The following AGBL4 variants were observed in gnomAD, a reference collection of about 807,000 sequenced individuals.
AGBL4 encodes the protein AGBL carboxypeptidase 4, also known as cytosolic carboxypeptidase 6.
In AGBL4, 58 loss-of-function variants were observed where a neutral mutation model predicts 66.4. The ratio of observed to expected loss-of-function variants is 0.87; its 90% CI spans 0.71 to 1.09. The LOEUF (loss-of-function observed/expected upper bound fraction) is 1.09. AGBL4 is among the 50% of genes least tolerant of loss of function. The pLI is 0.00. For synonymous variants in AGBL4, 234 were observed against 222.9 expected (o/e 1.05, Z -0.44); for missense variants, 579 against 631.0 (o/e 0.92, Z 0.88).
intron 5 of AGBL4, among the ~76,000 whole-genome samples, chr1:48,875,980 T>C (rs1015481563): frequency 1.3e-5 from 2 of 152,148 alleles, no homozygotes; most frequent in African/African-American, 2.4e-5. Context: ...CGCAGGTTTA[T>C]AGGCAGAAAA....
At chr1:49,963,383 G>T (rs558841702) in intron 1 of AGBL4, among the ~76,000 whole-genome samples, 1 of 152,226 alleles carries the variant, frequency 6.6e-6, no homozygotes, top group African/African-American at 2.4e-5. Flanking sequence ...AAAGGCTAGT[G>T]ACTGAACTGG....
intron 7 of AGBL4, among the ~76,000 whole-genome samples, chr1:48,658,758 T>C (rs1646059870): frequency 6.6e-6 from 1 of 151,872 alleles, no homozygotes; most frequent in South Asian, 2.1e-4. Context: ...GGAGCAAAGG[T>C]CACTACCTCA....
At chr1:49,515,238 G>T (rs1558012757) in intron 3 of AGBL4, among the ~76,000 whole-genome samples, 1 of 152,062 alleles carries the variant, frequency 6.6e-6, no homozygotes, top group Non-Finnish European at 1.5e-5. Context: ...GATATGAACA[G>T]ACACTTCTCA....
Position 49,674,483 on chromosome 1 carries a change from TA to T in AGBL4, c.282+22829del, listed in dbSNP as rs1381642498. Reference sequence around the variant, plus strand: ...ACACAAAACTTGGCCCAGAGGAGAATAAAAAAGATATAAATATATAATTATA... The same window carrying T: ...ACACAAAACTTGGCCCAGAGGAGAATAAAAAGATATAAATATATAATTATA... On this transcript the variant is annotated intron_variant, in intron 3 of 13. Transcript: ENST00000371839. 1.7e-4 allele frequency among the ~76,000 whole-genome samples: 26 copies of T among 148,842 alleles called. No homozygotes were observed. In the Admixed American group the frequency reaches 1.8e-3, roughly 10 times the overall value.
At chr1:49,928,716 C>T (rs549074411) in intron 1 of AGBL4, among the ~76,000 whole-genome samples, 20 of 152,092 alleles carry the variant, frequency 1.3e-4, no homozygotes, top group Non-Finnish European at 2.2e-4. Context: ...CAGTAAGGCA[C>T]ATATAATCAA....
chr1:49,126,713 T>G (rs1028751292), intron 4 of AGBL4, among the ~76,000 whole-genome samples: 1 of 152,152 alleles, frequency 6.6e-6, no homozygotes, highest in East Asian at 1.9e-4. Context: ...GTCCAGCCCA[T>G]ACTTTCTCAA....
At chr1:48,751,561 T>C (rs1651734126) in intron 6 of AGBL4, among the ~76,000 whole-genome samples, 1 of 152,240 alleles carries the variant, frequency 6.6e-6, no homozygotes, top group Non-Finnish European at 1.5e-5. Context: ...AAGTATTTAG[T>C]GTCTGGCCCA....
intron 4 of AGBL4, among the ~76,000 whole-genome samples, chr1:49,217,042 T>C (rs906858011): frequency 1.6e-4 from 25 of 152,138 alleles, no homozygotes; most frequent in African/African-American, 5.8e-4. Context: ...AACATGCTTA[T>C]GTAGAAGTCA....
intron 3 of AGBL4, among the ~76,000 whole-genome samples, chr1:49,580,174 CAT>C (rs1327854758): frequency 6.6e-6 from 1 of 152,032 alleles, no homozygotes; most frequent in Non-Finnish European, 1.5e-5. Context: ...TATCGTTTTC[CAT>C]GTCTTTATTT....
At chr1:49,535,761 G>A (rs1228001899) in intron 3 of AGBL4, among the ~76,000 whole-genome samples, 4 of 152,084 alleles carry the variant, frequency 2.6e-5, no homozygotes, top group East Asian at 1.9e-4. Flanking sequence ...GCGCGATCTC[G>A]GCTCACTGCA....
chr1:48,972,228 A>G (rs938725802), intron 5 of AGBL4, among the ~76,000 whole-genome samples: 5 of 152,162 alleles, frequency 3.3e-5, no homozygotes, highest in African/African-American at 1.2e-4. Flanking sequence ...TGAGGGCAAC[A>G]GAGGTAGGGA....
intron 4 of AGBL4, among the ~76,000 whole-genome samples, chr1:49,097,329 G>T (rs1402576645): frequency 3.9e-5 from 6 of 152,164 alleles, no homozygotes; most frequent in Admixed American, 3.9e-4. Context: ...TTAGTGGAAG[G>T]GGAGTAAAAA....
At chr1:49,673,304 C>T (rs1461080160) in intron 3 of AGBL4, among the ~76,000 whole-genome samples, 1 of 152,212 alleles carries the variant, frequency 6.6e-6, no homozygotes, top group African/African-American at 2.4e-5. Flanking sequence ...GGAGTGCAGA[C>T]ATCCCTTCGA....
intron 2 of AGBL4, among the ~76,000 whole-genome samples, chr1:49,705,923 A>G (rs1333774831): frequency 6.6e-6 from 1 of 152,166 alleles, no homozygotes; most frequent in Admixed American, 6.6e-5. Context: ...AGGCTTTTCA[A>G]TGTGCTGCTG....
intron 4 of AGBL4, chr1:49,187,175 T>C (rs1647031211): frequency 6.6e-6 from 1 of 152,194 alleles, no homozygotes; most frequent in South Asian, 2.1e-4. Flanking sequence ...TAGAATATTC[T>C]TGTGCCAGCT....
intron 1 of AGBL4, among the ~76,000 whole-genome samples, chr1:49,899,961 G>A (rs1649607247): frequency 6.6e-6 from 1 of 151,970 alleles, no homozygotes; most frequent in African/African-American, 2.4e-5. Context: ...AGAATCACTT[G>A]AACCCAGGAG....
At chr1:49,664,603 A>G (rs1263493458) in intron 3 of AGBL4, among the ~76,000 whole-genome samples, 3 of 152,096 alleles carry the variant, frequency 2.0e-5, no homozygotes, top group Admixed American at 6.6e-5. Flanking sequence ...CTTTCTGATC[A>G]ATTCAAGGGA....
intron 3 of AGBL4, among the ~76,000 whole-genome samples, chr1:49,321,500 A>G (rs1056911676): frequency 7.9e-5 from 12 of 152,210 alleles, no homozygotes; most frequent in African/African-American, 2.9e-4. Context: ...CTAATAATCC[A>G]GTTTGGAAAC....
At chr1:49,616,101 A>T (rs536119657) in intron 3 of AGBL4, among the ~76,000 whole-genome samples, 4 of 152,138 alleles carry the variant, frequency 2.6e-5, no homozygotes, top group Non-Finnish European at 4.4e-5. Context: ...GAATATATGT[A>T]AAGTAGTACC....
Sources: allele counts gnomAD v4.1 joint callset (sites outside exome capture counted in the v4.1 genomes callset), GRCh38; gene constraint gnomAD v4.1.1; transcripts MANE v1.5; gene names NCBI Gene and HGNC (gene_info 2026-07-23, HGNC 2026-07-21).